The following HSF2BP variants were observed in gnomAD, a reference collection of about 807,000 sequenced individuals.
The protein encoded by HSF2BP is heat shock transcription factor 2 binding protein, also known as heat shock factor 2-binding protein.
HSF2BP carries 35 observed loss-of-function variants against 35.0 expected under a neutral mutation model. That is an observed-to-expected ratio of 1.00 (90% CI 0.76 to 1.32). HSF2BP has a LOEUF of 1.32. HSF2BP is among the 40% of genes most tolerant of loss of function. The probability of loss-of-function intolerance (pLI) is 0.00; values close to 1 mark genes in which losing one functional copy is unlikely to be tolerated. For synonymous variants in HSF2BP, 114 were observed against 117.4 expected, an observed-to-expected ratio of 0.97 and a Z score of 0.18; for missense variants, 326 against 321.7, an observed-to-expected ratio of 1.01 and a Z score of -0.10.
chr21:43,605,325 GC>G (rs1175142169), intron 7 of HSF2BP, among the ~76,000 whole-genome samples: 7 of 136,802 alleles, frequency 5.1e-5, no homozygotes, highest in Non-Finnish European at 9.3e-5. Context: ...TGCACTAACT[GC>G]CCCAGCCTTG....
At chr21:43,600,475 T>G (rs2082038482) in intron 7 of HSF2BP, among the ~76,000 whole-genome samples, 2 of 152,208 alleles carry the variant, frequency 1.3e-5, no homozygotes, top group Non-Finnish European at 2.9e-5. Flanking sequence ...CTGCATGTAA[T>G]TTGAGAAAGC....
intron 3 of HSF2BP, among the ~76,000 whole-genome samples, chr21:43,654,725 G>A (rs1359371702): frequency 2.0e-5 from 3 of 152,214 alleles, no homozygotes; most frequent in African/African-American, 4.8e-5. Flanking sequence ...GCACAAGGCC[G>A]TGAGCTTGGA....
At chr21:43,601,694 T>C (rs1445471577) in intron 7 of HSF2BP, among the ~76,000 whole-genome samples, 1 of 152,176 alleles carries the variant, frequency 6.6e-6, no homozygotes, top group Non-Finnish European at 1.5e-5. Context: ...CTGTACCACC[T>C]GGAAATAATA....
chr21:43,574,911 G>C (rs1029831918), intron 8 of HSF2BP, among the ~76,000 whole-genome samples: 1 of 152,134 alleles, frequency 6.6e-6, no homozygotes, highest in African/African-American at 2.4e-5. Flanking sequence ...CCAGCAGCAC[G>C]AGCCATGGCA....
At chr21:43,656,781 A>G (rs1318211880) in intron 2 of HSF2BP, 44 bp from the exon 3 acceptor site, 9 of 1,547,238 alleles carry the variant, frequency 5.8e-6, no homozygotes, top group Non-Finnish European at 7.0e-6. Flanking sequence ...TTCACATGAG[A>G]AAAAAAACAA....
At chr21:43,630,039 A>G (rs1000798449) in intron 6 of HSF2BP, among the ~76,000 whole-genome samples, 8 of 152,244 alleles carry the variant, frequency 5.3e-5, no homozygotes, top group Non-Finnish European at 1.2e-4. Context: ...GCAGTCATCA[A>G]TATCACGGCA....
chr21:43,643,934 GA>G (rs1410660914), intron 4 of HSF2BP, among the ~76,000 whole-genome samples: 2 of 148,504 alleles, frequency 1.3e-5, no homozygotes, highest in Admixed American at 6.7e-5. Flanking sequence ...CAGCCTGGGC[GA>G]CAGAGCAAGA....
chr21:43,580,838 C>T (rs1399147152), intron 8 of HSF2BP, among the ~76,000 whole-genome samples: 1 of 152,214 alleles, frequency 6.6e-6, no homozygotes, highest in Non-Finnish European at 1.5e-5. Flanking sequence ...AGAATCATAA[C>T]ATATACAGTA....
At chr21:43,617,844 C>T (rs1426414390) in intron 6 of HSF2BP, among the ~76,000 whole-genome samples, 1 of 152,070 alleles carries the variant, frequency 6.6e-6, no homozygotes, top group Non-Finnish European at 1.5e-5. Flanking sequence ...ATCCCATCTA[C>T]TCAAGAGGCT....
chr21:43,584,715 T>C (rs932380866), intron 8 of HSF2BP, among the ~76,000 whole-genome samples: 5 of 152,200 alleles, frequency 3.3e-5, no homozygotes, highest in African/African-American at 1.2e-4. Flanking sequence ...CTACACTCAA[T>C]GCCAAAGGTC....
chr21:43,616,041 G>GAAAA (rs72045043), intron 6 of HSF2BP, among the ~76,000 whole-genome samples: 118 of 141,288 alleles, frequency 8.4e-4, no homozygotes, highest in Middle Eastern at 7.3e-3. Context: ...CATCGCTGAA[G>GAAAA]AAAAAAAAAA....
chr21:43,611,729 T>A (rs1210920186), intron 7 of HSF2BP, among the ~76,000 whole-genome samples: 1 of 152,190 alleles, frequency 6.6e-6, no homozygotes, highest in African/African-American at 2.4e-5. Context: ...ATTTTTTCCT[T>A]ACACCTGAAA....
intron 6 of HSF2BP, among the ~76,000 whole-genome samples, chr21:43,616,715 C>T (rs1007973238): frequency 1.3e-5 from 2 of 152,102 alleles, no homozygotes; most frequent in Non-Finnish European, 2.9e-5. Flanking sequence ...GGGCGGATCA[C>T]GCGGTCTGGA....
At chr21:43,590,081 T>C (rs962696620) in intron 8 of HSF2BP, among the ~76,000 whole-genome samples, 3 of 152,176 alleles carry the variant, frequency 2.0e-5, no homozygotes, top group Admixed American at 2.0e-4. Flanking sequence ...CTTAAGAGAA[T>C]GAAAGATGAG....
rs1302661600 is a variant in HSF2BP, at chr21:43,659,106, T to A, written c.-225+280A>T. Among the ~76,000 whole-genome samples the A allele has an allele frequency of 6.6e-6, 1 of 152,060 alleles. No individual in the cohort carries two copies. The highest frequency in any genetic ancestry group is 1.5e-5 in the Non-Finnish European group (1 of 68,000). ...TGAGCCCAGGAGTTTGAGACCAGCT[T>A]GGGCAACATAGCGAGACACCGTCTC... On this transcript the variant is annotated intron_variant, in intron 1 of 8. Transcript: ENST00000291560. The surrounding 1 kb of genome is among the most constrained non-coding windows in gnomAD (Gnocchi z 4.2).
At chr21:43,627,427 AACTT>A (rs1262589348) in intron 6 of HSF2BP, among the ~76,000 whole-genome samples, 2 of 152,180 alleles carry the variant, frequency 1.3e-5, no homozygotes, top group African/African-American at 4.8e-5. Flanking sequence ...AAAGCAGCTA[AACTT>A]ACTTGTTTTT....
intron 8 of HSF2BP, among the ~76,000 whole-genome samples, chr21:43,586,057 C>T (rs1233191249): frequency 6.6e-5 from 10 of 152,140 alleles, no homozygotes; most frequent in Non-Finnish European, 1.5e-4. Context: ...TGGAAATAAC[C>T]GCCTATCTGC....
chr21:43,629,201 T>G (rs1370062616), intron 6 of HSF2BP, among the ~76,000 whole-genome samples: 1 of 152,216 alleles, frequency 6.6e-6, no homozygotes, highest in South Asian at 2.1e-4. Context: ...CAGTGATTCC[T>G]CTGATGGATC....
rs1384696133 is a variant in HSF2BP, at chr21:43,630,423, C to T, written c.473G>A (p.Gly158Asp). The T allele has an allele frequency of 6.2e-7, 1 of 1,612,648 alleles. No individual in the cohort carries two copies. The highest frequency in any genetic ancestry group is 1.1e-5 in the South Asian group (1 of 90,688). Residue 158 changes from glycine (G) to aspartate (D), a missense_variant, in exon 6 of 9, where the codon GGT (glycine) becomes GAT (aspartate). Gly to Asp is a moderately conservative substitution (Grantham distance 94, BLOSUM62 -1). Transcript: ENST00000291560. ...CTTCACAAAACTCTCCATTGTTTGACCAGTGATGCTGAAAAACTTCAAAGC... is the reference window on the plus strand; with the variant it reads ...CTTCACAAAACTCTCCATTGTTTGATCAGTGATGCTGAAAAACTTCAAAGC... ...DKALKFFSIT[G>D]QTMESFVKSL...
Sources: gnomAD v4.1 joint callset for allele counts (sites outside exome capture counted in the v4.1 genomes callset) on GRCh38, gnomAD v4.1.1 for gene constraint, Gnocchi (gnomAD v3.1) non-coding constraint, MANE v1.5 for transcripts, NCBI Gene and HGNC (gene_info 2026-07-23, HGNC 2026-07-21) for gene names.